Variants in SMARCA2 observed in about 807,000 individuals in gnomAD.
SMARCA2 encodes the protein SWI/SNF related BAF chromatin remodeling complex subunit ATPase 2.
A neutral mutation model predicts 199.8 loss-of-function variants in SMARCA2; 61 were observed. That is an observed-to-expected ratio of 0.31 (90% CI 0.25 to 0.38). The LOEUF is 0.38. SMARCA2 is among the 10% of genes least tolerant of loss of function. SMARCA2 has a pLI of 1.00. For synonymous variants in SMARCA2, 935 were observed against 732.0 expected, an observed-to-expected ratio of 1.28 and a Z score of -4.48; for missense variants, 1,344 against 2,012.2, an observed-to-expected ratio of 0.67 and a Z score of 6.35.
intron 19 of SMARCA2, 112 bp from the exon 20 acceptor site, chr9:2,096,543 AAG>A: frequency 1.4e-6 from 1 of 692,064 alleles, no homozygotes; most frequent in Admixed American, 2.2e-5. Flanking sequence ...GAATCCAAGA[AAG>A]AGAAAGAGAG....
At chr9:2,031,584 T>C (rs984043646) in intron 2 of SMARCA2, among the ~76,000 whole-genome samples, 12 of 152,242 alleles carry the variant, frequency 7.9e-5, no homozygotes, top group African/African-American at 2.9e-4. Flanking sequence ...TTAATTGTTA[T>C]CTCTTCTGAT....
chr9:2,153,293 T>C (rs931606057), intron 27 of SMARCA2, among the ~76,000 whole-genome samples: 15 of 152,174 alleles, frequency 9.9e-5, no homozygotes, highest in Non-Finnish European at 4.4e-5. Context: ...TCCCAACACT[T>C]TGGGAGGCCA....
intron 32 of SMARCA2, among the ~76,000 whole-genome samples, chr9:2,187,900 C>T (rs923566362): frequency 1.3e-5 from 2 of 151,864 alleles, no homozygotes; most frequent in Admixed American, 6.6e-5. Flanking sequence ...TCAATATATT[C>T]ATAATAAGTA....
chr9:2,059,341 T>C (rs3793486), intron 8 of SMARCA2, among the ~76,000 whole-genome samples: 18,163 of 152,188 alleles, frequency 0.12, 1,162 homozygotes, highest in East Asian at 0.28. Context: ...TTTTCATTTT[T>C]TGGATTCCAG....
chr9:2,050,965 C>G lies in SMARCA2; in HGVS notation c.1046+3481C>G, dbSNP rs538160891. Among the ~76,000 whole-genome samples the G allele has an allele frequency of 2.0e-5, 3 of 152,326 alleles. No individual in the cohort carries two copies. The East Asian group carries it at 5.8e-4, about 29-fold the overall frequency. ...TAATTCTGCATCAATTTTCTGTACT[C>G]GTGAGGACGCTAAATGAGTCCCCTG... On this transcript the variant is annotated intron_variant, in intron 5 of 33. Transcript: ENST00000349721.
intron 27 of SMARCA2, among the ~76,000 whole-genome samples, chr9:2,148,106 G>A (rs560247249): frequency 6.6e-6 from 1 of 151,832 alleles, no homozygotes; most frequent in African/African-American, 2.4e-5. Context: ...TGCTGCTGCT[G>A]TTTTTAAAGA....
intron 18 of SMARCA2, among the ~76,000 whole-genome samples, chr9:2,087,608 G>C (rs1821856261): frequency 6.6e-6 from 1 of 151,636 alleles, no homozygotes; most frequent in South Asian, 2.1e-4. Flanking sequence ...AGTCTTCCTG[G>C]AGTAGCCATT....
intron 31 of SMARCA2, among the ~76,000 whole-genome samples, chr9:2,183,510 T>C (rs1475094238): frequency 6.6e-6 from 1 of 152,172 alleles, no homozygotes; most frequent in Non-Finnish European, 1.5e-5. Context: ...TTCAGACCCA[T>C]GAAGAAGAAA....
chr9:2,028,774 A>T (rs947931591), intron 1 of SMARCA2, among the ~76,000 whole-genome samples: 5 of 152,164 alleles, frequency 3.3e-5, no homozygotes, highest in African/African-American at 1.2e-4. Context: ...CTGGGGAATC[A>T]TTTAGTGTGT....
At chr9:2,021,417 T>G (rs1310818012) in intron 1 of SMARCA2, among the ~76,000 whole-genome samples, 2 of 152,226 alleles carry the variant, frequency 1.3e-5, no homozygotes, top group Admixed American at 6.5e-5. Flanking sequence ...CAAGGGAAAT[T>G]CTGTATCAGT....
At position 2,170,516 on chromosome 9, in the gene SMARCA2, C is replaced by T. The variant is rs751471943; in HGVS notation, c.4253+44C>T. 4 of 1,613,342 alleles carry T rather than the reference C, an allele frequency of 2.5e-6. No individual in the cohort carries two copies. The highest frequency in any genetic ancestry group is 3.4e-6 in the Non-Finnish European group (4 of 1,179,668). On this transcript the variant is annotated intron_variant, in intron 29 of 33. Transcript: ENST00000349721. This position sits in a 1 kb window ranked among gnomAD's most constrained non-coding sequence, Gnocchi z 4.7. ...TTCCCCTATCTCTAAATACAGGTATCCCTCGTTACGTGAAACAGATTGAAT... is the reference window on the plus strand; with the variant it reads ...TTCCCCTATCTCTAAATACAGGTATTCCTCGTTACGTGAAACAGATTGAAT...
rs982240726 is a variant in SMARCA2 at position 2,183,802 on chromosome 9, A to C, written c.4461+1560A>C. ...CTTGAAGCCAGGACATAGAAAGTAGAAGAATCAACAAAGAAGGTTTTGTGA... is the reference window on the plus strand; with the variant it reads ...CTTGAAGCCAGGACATAGAAAGTAGCAGAATCAACAAAGAAGGTTTTGTGA... On this transcript the variant is annotated intron_variant, in intron 31 of 33. Transcript: ENST00000349721. Among the ~76,000 whole-genome samples, 9 of 152,212 alleles carry C rather than the reference A, an allele frequency of 5.9e-5. 1 individual carries two copies. The highest frequency in any genetic ancestry group is 3.3e-4 in the Admixed American group (5 of 15,282).
At chr9:2,077,605 A>T in intron 13 of SMARCA2, 24 bp from the exon 14 acceptor site, 1 of 1,610,684 alleles carries the variant, frequency 6.2e-7, no homozygotes. Flanking sequence ...TCTGTGTGTG[A>T]TTCTCCACTT....
intron 9 of SMARCA2, among the ~76,000 whole-genome samples, chr9:2,070,029 G>A (rs1368599757): frequency 6.6e-6 from 1 of 152,160 alleles, no homozygotes; most frequent in Non-Finnish European, 1.5e-5. Context: ...CATTGCTGAA[G>A]AAAACTTGCT....
chr9:2,123,288 G>C lies in SMARCA2; in HGVS notation c.3763-431G>C, dbSNP rs1823545336. Among the ~76,000 whole-genome samples the C allele has an allele frequency of 6.6e-6, 1 of 151,666 alleles. No homozygotes were observed. Among genetic ancestry groups the C allele is most frequent in the African/African-American group, 2.4e-5 (1 of 41,268 alleles). ...TTTAGTTCAAAGCACAAGCCCTATT[G>C]AATAAAAGGAAACTTTCTTAAAGAT... is the stretch of plus-strand genomic sequence containing the variant. On this transcript the variant is annotated intron_variant, in intron 26 of 33. Transcript: ENST00000349721. This position sits in a 1 kb window ranked among gnomAD's most constrained non-coding sequence, Gnocchi z 4.1.
At chr9:2,152,724 C>T (rs770681639) in intron 27 of SMARCA2, among the ~76,000 whole-genome samples, 30 of 151,548 alleles carry the variant, frequency 2.0e-4, no homozygotes, top group Non-Finnish European at 3.4e-4. Context: ...TGGTGGTGCA[C>T]ACCTTTAGTC....
At chr9:2,088,450 A>T in intron 18 of SMARCA2, 50 bp from the exon 19 acceptor site, 2 of 1,542,606 alleles carry the variant, frequency 1.3e-6, no homozygotes, top group African/African-American at 2.8e-5. Flanking sequence ...TTATTGTATG[A>T]AACATCCTTT....
At chr9:2,121,345 C>T (rs1823452187) in intron 26 of SMARCA2, among the ~76,000 whole-genome samples, 1 of 152,176 alleles carries the variant, frequency 6.6e-6, no homozygotes, top group Admixed American at 6.5e-5. Flanking sequence ...TTTTTGTAGG[C>T]ACTTTGATTT....
chr9:2,177,752 A>G (rs897024396), intron 29 of SMARCA2, among the ~76,000 whole-genome samples: 5 of 152,042 alleles, frequency 3.3e-5, no homozygotes, highest in Non-Finnish European at 7.4e-5. Context: ...GGGTTTCTCC[A>G]TGTTGGTCAG....
Sources: gnomAD v4.1 joint callset for allele counts (sites outside exome capture counted in the v4.1 genomes callset) on GRCh38, gnomAD v4.1.1 for gene constraint, Gnocchi (gnomAD v3.1) non-coding constraint, MANE v1.5 for transcripts, NCBI Gene and HGNC (gene_info 2026-07-23, HGNC 2026-07-21) for gene names.